CPB2: variants seen among roughly 807,000 people sequenced by gnomAD.
CPB2 encodes carboxypeptidase B-like protein.
CPB2 carries 54 observed loss-of-function variants against 57.0 expected under a neutral mutation model. The ratio of observed to expected loss-of-function variants is 0.95; its 90% CI spans 0.76 to 1.19. The LOEUF is 1.19. Ranked by LOEUF, CPB2 falls within the 50% of genes most tolerant of loss-of-function variation. CPB2 has a pLI of 0.00. For missense variants in CPB2, 426 were observed against 512.0 expected (o/e 0.83, Z 1.62); for synonymous variants, 189 against 178.1 (o/e 1.06, Z -0.49).
intron 8 of CPB2, among the ~76,000 whole-genome samples, chr13:46,061,965 C>T (rs1329929058): frequency 1.3e-5 from 2 of 150,462 alleles, no homozygotes; most frequent in Non-Finnish European, 2.9e-5. Context: ...TTACATAGTA[C>T]AGAATAGATA....
chr13:46,077,965 T>C (rs931684713), intron 5 of CPB2, among the ~76,000 whole-genome samples: 1 of 152,034 alleles, frequency 6.6e-6, no homozygotes, highest in Non-Finnish European at 1.5e-5. Flanking sequence ...AATTAGTGGG[T>C]ACAAAATAGA....
At chr13:46,102,592 G>T (rs1278053845) in intron 1 of CPB2, among the ~76,000 whole-genome samples, 1 of 116,298 alleles carries the variant, frequency 8.6e-6, no homozygotes, top group Non-Finnish European at 1.8e-5. Context: ...CAGACTGTTA[G>T]TTTTTTTTTT....
intron 1 of CPB2, among the ~76,000 whole-genome samples, chr13:46,096,958 A>G (rs574537735): frequency 6.6e-6 from 1 of 152,324 alleles, no homozygotes; most frequent in South Asian, 2.1e-4. Flanking sequence ...GAGAGTGGCA[A>G]GTGACATGAC....
intron 3 of CPB2, 108 bp downstream of exon 3, chr13:46,084,111 C>T: frequency 2.2e-6 from 3 of 1,336,838 alleles, no homozygotes; most frequent in Non-Finnish European, 3.1e-6. Flanking sequence ...TTCTATGCTG[C>T]CATGGTTAAT....
At chr13:46,077,928 G>T (rs754930409) in intron 5 of CPB2, among the ~76,000 whole-genome samples, 6 of 152,124 alleles carry the variant, frequency 3.9e-5, no homozygotes, top group Non-Finnish European at 8.8e-5. Context: ...ATTACCAGAG[G>T]CTGGGAAAGG....
chr13:46,073,771 G>A, intron 6 of CPB2, 102 bp downstream of exon 6: 1 of 688,350 alleles, frequency 1.5e-6, no homozygotes, highest in Non-Finnish European at 2.2e-6. Flanking sequence ...TTCATGATGT[G>A]ACCTAGGAAA....
At chr13:46,104,359 A>G (rs546486198) in intron 1 of CPB2, among the ~76,000 whole-genome samples, 89 of 152,252 alleles carry the variant, frequency 5.8e-4, no homozygotes, top group Non-Finnish European at 1.1e-3. Flanking sequence ...CATGCATTGC[A>G]TGTGCTATAG....
chr13:46,081,424 G>A (rs941231130), intron 4 of CPB2, among the ~76,000 whole-genome samples: 8 of 151,990 alleles, frequency 5.3e-5, no homozygotes, highest in South Asian at 4.1e-4. Context: ...TCATGCAGTC[G>A]TGCTGATGGA....
At position 46,053,855 on chromosome 13, in the gene CPB2, C is replaced by T; in HGVS notation, c.1088-57G>A. Reference sequence around the variant, plus strand: ...CAGACGTTTCAAATTAATTTACAAACTGGGAATTGTTTGATTTAAATGTTT... The same window carrying T: ...CAGACGTTTCAAATTAATTTACAAATTGGGAATTGTTTGATTTAAATGTTT... On this transcript the variant is annotated intron_variant, in intron 10 of 10. Coordinates refer to ENST00000181383, the MANE Select transcript of CPB2 (RefSeq NM_001872.5). The T allele has an allele frequency of 2.0e-6, 3 of 1,511,836 alleles. No homozygotes were observed. The South Asian group carries it at 3.5e-5, about 18-fold the overall frequency. 93.7% of individuals were successfully genotyped at this position (1,511,836 alleles called of 1,614,324 possible).
chr13:46,087,727 A>G lies in CPB2; in HGVS notation c.150+18T>C. On this transcript the variant is annotated intron_variant, in intron 2 of 10. Coordinates refer to ENST00000181383, the MANE Select transcript of CPB2 (RefSeq NM_001872.5). ...TACAAAGTGAAACCAATATAAACAT[A>G]AATTAGGGAGAAATTACCTCATATG... 1 of 1,557,576 alleles carries G rather than the reference A, an allele frequency of 6.4e-7. No individual in the cohort carries two copies. The highest frequency in any genetic ancestry group is 8.8e-7 in the Non-Finnish European group (1 of 1,133,046).
rs769170810 is a variant in CPB2, at chr13:46,055,866, A to G, written c.1000-17T>C. 2.3e-5 allele frequency: 33 copies of G among 1,417,244 alleles called. No individual in the cohort carries two copies. Among genetic ancestry groups the G allele is most frequent in the African/African-American group, 4.3e-5 (3 of 69,492 alleles). 87.8% of individuals were successfully genotyped at this position (1,417,244 alleles called of 1,614,324 possible). ...TACTAGAGACTGGAAGCAACAAGAT[A>G]TAGAATTTCAGTTAATGTGCAGCTT... On this transcript the variant is annotated splice_polypyrimidine_tract_variant and intron_variant, in intron 9 of 10. Coordinates refer to ENST00000181383, the MANE Select transcript of CPB2 (RefSeq NM_001872.5).
chr13:46,066,128 C>G (rs2044850864), intron 7 of CPB2, among the ~76,000 whole-genome samples: 1 of 135,116 alleles, frequency 7.4e-6, no homozygotes, highest in Non-Finnish European at 1.6e-5. Flanking sequence ...TGAAATAATT[C>G]ATGTGTAATT....
intron 2 of CPB2, among the ~76,000 whole-genome samples, chr13:46,087,185 A>G (rs1034399082): frequency 6.6e-6 from 1 of 152,212 alleles, no homozygotes; most frequent in Non-Finnish European, 1.5e-5. Flanking sequence ...CCTGGGGAGC[A>G]TGAGGCTGCC....
At chr13:46,095,579 C>T (rs187405294) in intron 1 of CPB2, among the ~76,000 whole-genome samples, 5 of 152,276 alleles carry the variant, frequency 3.3e-5, no homozygotes, top group East Asian at 1.9e-4. Flanking sequence ...TCAGCTATTG[C>T]GCTGGATATG....
chr13:46,074,906 A>C (rs1377775670), intron 5 of CPB2, among the ~76,000 whole-genome samples: 1 of 152,134 alleles, frequency 6.6e-6, no homozygotes, highest in Non-Finnish European at 1.5e-5. Flanking sequence ...TCCTATGAGA[A>C]TCTAACGCTG....
intron 8 of CPB2, among the ~76,000 whole-genome samples, chr13:46,060,334 C>T (rs2044754467): frequency 1.3e-5 from 2 of 151,612 alleles, no homozygotes; most frequent in African/African-American, 2.4e-5. Context: ...TAGTGGTGCA[C>T]GCCTGTAATC....
chr13:46,061,083 C>T (rs2044766115), intron 8 of CPB2, among the ~76,000 whole-genome samples: 1 of 152,048 alleles, frequency 6.6e-6, no homozygotes, highest in Non-Finnish European at 1.5e-5. Flanking sequence ...AAAAATCTCT[C>T]TTTGGGACAA....
At chr13:46,094,167 G>A (rs1409432) in intron 1 of CPB2, among the ~76,000 whole-genome samples, 116,957 of 152,064 alleles carry the variant, frequency 0.77, 45,175 homozygotes, top group East Asian at 0.81. Context: ...TTGGAGTAGC[G>A]TAGTCACCCA....
intron 1 of CPB2, among the ~76,000 whole-genome samples, chr13:46,091,833 T>C (rs969623217): frequency 2.6e-5 from 4 of 152,224 alleles, no homozygotes; most frequent in African/African-American, 9.6e-5. Context: ...TCTTAGCAAA[T>C]GTCCTCATTT....
Sources: allele counts gnomAD v4.1 joint callset (sites outside exome capture counted in the v4.1 genomes callset), GRCh38; gene constraint gnomAD v4.1.1; transcripts MANE v1.5; gene names NCBI Gene and HGNC (gene_info 2026-07-23, HGNC 2026-07-21).